Variants in TTC7A observed in about 807,000 individuals in gnomAD.
TTC7A encodes the protein tetratricopeptide repeat domain 7A, also known as tetratricopeptide repeat protein 7A.
Under a neutral mutation model 103.7 loss-of-function variants are expected in TTC7A, and 110 were observed. The ratio of observed to expected loss-of-function variants is 1.06; its 90% confidence interval spans 0.91 to 1.24. The LOEUF (loss-of-function observed/expected upper bound fraction) is 1.24. TTC7A is among the 50% of genes most tolerant of loss of function. The pLI is 0.00. For missense variants in TTC7A, 1,340 were observed against 1,116.3 expected, an observed-to-expected ratio of 1.20 and a Z score of -2.86; for synonymous variants, 521 against 467.9, an observed-to-expected ratio of 1.11 and a Z score of -1.47.
At position 46,994,526 on chromosome 2, in the gene TTC7A, C is replaced by T. The variant is rs746964282; in HGVS notation, c.1001+12C>T. The T allele has an allele frequency of 6.1e-5, 99 of 1,613,058 alleles. No individual in the cohort carries two copies. The highest frequency in any genetic ancestry group is 7.1e-5 in the Non-Finnish European group (84 of 1,179,438). On this transcript the variant is annotated intron_variant, in intron 7 of 19. Coordinates refer to ENST00000319190, the MANE Select transcript of TTC7A (RefSeq NM_020458.4). ...TATGAAGGAGACAAGTAAGTTCTGC[C>T]TGCCCTGCTGCACCTTGCCAGTCTC...
intron 2 of TTC7A, among the ~76,000 whole-genome samples, chr2:46,931,689 CAATAAT>C (rs1558480371): frequency 8.6e-6 from 1 of 116,672 alleles, no homozygotes; most frequent in Admixed American, 8.1e-5. Flanking sequence ...CAAAAACAGA[CAATAAT>C]AAATAAATAA....
intron 5 of TTC7A, among the ~76,000 whole-genome samples, chr2:46,982,733 G>A (rs917286428): frequency 6.6e-6 from 1 of 152,200 alleles, no homozygotes; most frequent in Non-Finnish European, 1.5e-5. Context: ...GGAAGCTGAG[G>A]CAGGAGGATT....
chr2:46,984,405 C>A lies in TTC7A; in HGVS notation c.764+5498C>A, dbSNP rs1249001967. On this transcript the variant is annotated intron_variant, in intron 5 of 19. Coordinates refer to ENST00000319190, the MANE Select transcript of TTC7A (RefSeq NM_020458.4). The stretch of plus-strand genomic sequence containing the variant: ...TGGCCCTGAACAGGTTCCCCCTCTG[C>A]CCCTCTAGTTGGCTTTCTCCCCTCT... Among the ~76,000 whole-genome samples the A allele has an allele frequency of 2.0e-5, 3 of 152,230 alleles. No individual in the cohort carries two copies. The East Asian group carries it at 5.8e-4, about 29-fold the overall frequency.
At chr2:46,947,321 T>G (rs1443054707) in intron 1 of TTC7A, among the ~76,000 whole-genome samples, 1 of 152,230 alleles carries the variant, frequency 6.6e-6, no homozygotes, top group African/African-American at 2.4e-5. Context: ...AAAAAGTGTC[T>G]GGCCCATACT....
intron 4 of TTC7A, among the ~76,000 whole-genome samples, chr2:46,977,023 A>G (rs925153179): frequency 1.3e-5 from 2 of 152,034 alleles, no homozygotes; most frequent in South Asian, 2.1e-4. Flanking sequence ...GGAGCTTTTC[A>G]TATTTGCATT....
At chr2:46,961,343 G>A (rs927871779) in intron 3 of TTC7A, among the ~76,000 whole-genome samples, 9 of 152,128 alleles carry the variant, frequency 5.9e-5, no homozygotes, top group Non-Finnish European at 1.2e-4. Flanking sequence ...TTGGGAGGCC[G>A]AGGTGGGCAG....
chr2:47,059,856 G>A (rs187940817), intron 18 of TTC7A, among the ~76,000 whole-genome samples: 2 of 152,208 alleles, frequency 1.3e-5, no homozygotes, highest in East Asian at 1.9e-4. Flanking sequence ...CCTCTAAAGT[G>A]GGGTAATAAA....
intron 3 of TTC7A, among the ~76,000 whole-genome samples, chr2:46,969,683 T>C (rs1431472037): frequency 6.6e-6 from 1 of 152,084 alleles, no homozygotes; most frequent in Non-Finnish European, 1.5e-5. Context: ...AGTGCTGGGA[T>C]TACAGGCATG....
rs1670429919 is a variant in TTC7A, at chr2:46,941,829, C to G, written c.184+104C>G. ...GTCCTCGGCCGACAGCGGGCGCCTG[C>G]CAGCCCACCGTGCTAGTCTTAAGAG... On this transcript the variant is annotated intron_variant, in intron 1 of 19. Coordinates refer to ENST00000319190, the MANE Select transcript of TTC7A (RefSeq NM_020458.4). The surrounding 1 kb of genome is among the most constrained non-coding windows in gnomAD (Gnocchi z 4.2). 1.9e-5 allele frequency: 27 copies of G among 1,430,228 alleles called. No homozygotes were observed. The highest frequency in any genetic ancestry group is 2.3e-5 in the Non-Finnish European group (24 of 1,051,150). 88.6% of individuals were successfully genotyped at this position (1,430,228 alleles called of 1,614,324 possible). A position where few individuals can be genotyped will look rare whatever the true frequency, so the allele number is the denominator to read the frequency against.
chr2:46,938,682 A>G (rs1210884693), upstream of TTC7A, among the ~76,000 whole-genome samples: 1 of 152,118 alleles, frequency 6.6e-6, no homozygotes, highest in Non-Finnish European at 1.5e-5. Flanking sequence ...AATAAATTCT[A>G]TGGGCCCTGT....
At chr2:46,958,658 C>A in intron 3 of TTC7A, 1 of 729,950 alleles carries the variant, frequency 1.4e-6, no homozygotes, top group Non-Finnish European at 2.0e-6. Flanking sequence ...CTCCTCTCTG[C>A]CTGTCCTCCT....
chr2:47,011,254 T>G lies in TTC7A; in HGVS notation c.1288-77T>G, dbSNP rs551518436. 21 of 1,368,434 alleles carry G rather than the reference T, an allele frequency of 1.5e-5. No homozygotes were observed. The Admixed American group carries it at 2.6e-4, about 17-fold the overall frequency. The allele number at this position is 1,368,434 out of a possible 1,614,324, so 84.8% of individuals were successfully genotyped here. A position where few individuals can be genotyped will look rare whatever the true frequency, so the allele number is the denominator to read the frequency against. ...GGATACAGAGCAAGGCTTGGTTGTT[T>G]GGGAAGCTCGCCCCACTGTGGGCCC... On this transcript the variant is annotated intron_variant, in intron 10 of 19. Transcript: ENST00000319190.
At chr2:47,014,608 G>A (rs1018679192) in intron 11 of TTC7A, among the ~76,000 whole-genome samples, 1 of 152,222 alleles carries the variant, frequency 6.6e-6, no homozygotes, top group African/African-American at 2.4e-5. Context: ...GGGTCTGCCT[G>A]GCAGGCAGGG....
At chr2:46,990,463 C>T (rs58339504) in intron 5 of TTC7A, among the ~76,000 whole-genome samples, 3,370 of 152,300 alleles carry the variant, frequency 0.022, 122 homozygotes, top group African/African-American at 0.075. Flanking sequence ...GTCACAAAGC[C>T]GAAGGGTCCC....
At chr2:46,916,136 G>A (rs562748784), upstream of TTC7A, 37 of 985,532 alleles carry the variant, frequency 3.8e-5, no homozygotes, top group African/African-American at 5.8e-4. Flanking sequence ...CCCAAAGCTG[G>A]CTCCCAACTC....
chr2:47,039,035 C>G (rs1163958006), intron 15 of TTC7A, among the ~76,000 whole-genome samples: 1 of 152,176 alleles, frequency 6.6e-6, no homozygotes, highest in Non-Finnish European at 1.5e-5. Context: ...TGAGGGGTGA[C>G]ATGCGCCAGG....
At chr2:46,933,182 A>G (rs946894771) in intron 2 of TTC7A, among the ~76,000 whole-genome samples, 2 of 152,202 alleles carry the variant, frequency 1.3e-5, no homozygotes, top group African/African-American at 2.4e-5. Context: ...GCAAAATGAC[A>G]TAGAAGCCAC....
rs1411345959 is a variant in TTC7A at position 46,917,210 on chromosome 2, G to A, written c.15G>A (p.Ser5=). The change falls in exon 2 of 21, where the codon TCG becomes TCA. Residue 5 remains serine, a synonymous_variant. Transcript: ENST00000409245. ...AAAGAGTCTCCATGGTGCCCAGCTC[G>A]TCTCGAACTCCTGGGTTCAAGCAAT... The A allele has an allele frequency of 2.9e-6, 2 of 700,628 alleles. No individual in the cohort carries two copies. Among genetic ancestry groups the A allele is most frequent in the Non-Finnish European group, 2.6e-6 (1 of 384,458 alleles). 43.4% of individuals were successfully genotyped at this position (700,628 alleles called of 1,614,324 possible).
rs532973954 is a variant in TTC7A, at chr2:47,040,900, A to C, written c.1803-5415A>C. 3.9e-5 allele frequency among the ~76,000 whole-genome samples: 6 copies of C among 152,306 alleles called. No homozygotes were observed. In the South Asian group the frequency reaches 1.2e-3, roughly 32 times the overall value. ...GGCCAGTGTGTATTCACTTTGAGTA[A>C]CGACACAGTGTGAGGCTCGAGGACA... is the stretch of plus-strand genomic sequence containing the variant. On this transcript the variant is annotated intron_variant, in intron 15 of 19. Coordinates refer to ENST00000319190, the MANE Select transcript of TTC7A (RefSeq NM_020458.4).
Sources: allele counts gnomAD v4.1 joint callset (sites outside exome capture counted in the v4.1 genomes callset), GRCh38; gene constraint gnomAD v4.1.1; non-coding constraint Gnocchi (gnomAD v3.1); transcripts MANE v1.5; gene names NCBI Gene and HGNC (gene_info 2026-07-23, HGNC 2026-07-21).